Variants in PRDM5 observed in about 807,000 individuals in gnomAD.
The protein encoded by PRDM5 is PR domain zinc finger protein 5.
In PRDM5, 56 loss-of-function variants were observed where a neutral mutation model predicts 81.2. That is an observed-to-expected ratio of 0.69 (90% CI 0.56 to 0.86). PRDM5 has a LOEUF of 0.86. Ranked by LOEUF, PRDM5 falls within the 40% of genes least tolerant of loss-of-function variation. The probability of loss-of-function intolerance (pLI) is 0.00; values close to 1 mark genes in which losing one functional copy is unlikely to be tolerated. For missense variants in PRDM5, 697 were observed against 770.1 expected (o/e 0.91, Z 1.12); for synonymous variants, 267 against 256.4 (o/e 1.04, Z -0.39).
At chr4:120,790,801 G>A (rs1040155057) in intron 10 of PRDM5, among the ~76,000 whole-genome samples, 7 of 152,092 alleles carry the variant, frequency 4.6e-5, no homozygotes, top group Non-Finnish European at 8.8e-5. Flanking sequence ...TGGATGGATA[G>A]ATAGATTTAG....
chr4:120,777,099 G>A, intron 13 of PRDM5, 89 bp downstream of exon 13: 1 of 1,603,934 alleles, frequency 6.2e-7, no homozygotes, highest in South Asian at 1.1e-5. Flanking sequence ...TAATCTGGAA[G>A]ATATTTGTAT....
chr4:120,860,585 T>C (rs1260954673), intron 2 of PRDM5, among the ~76,000 whole-genome samples: 1 of 151,282 alleles, frequency 6.6e-6, no homozygotes, highest in Admixed American at 6.6e-5. Flanking sequence ...ACATGAAGAA[T>C]ACAACAGTGA....
At chr4:120,813,150 T>C (rs1397771) in intron 7 of PRDM5, 8,100 of 152,418 alleles carry the variant, frequency 0.053, 344 homozygotes, top group Middle Eastern at 0.15. Context: ...GTGATTATGT[T>C]TACAGTAGCT....
intron 10 of PRDM5, among the ~76,000 whole-genome samples, chr4:120,794,874 C>A (rs1443942290): frequency 6.6e-5 from 10 of 152,146 alleles, no homozygotes; most frequent in Non-Finnish European, 1.5e-4. Flanking sequence ...GATCCACCCA[C>A]CTCATCCTCC....
At chr4:120,922,305 C>G (rs145796270) in intron 1 of PRDM5, among the ~76,000 whole-genome samples, 273 of 152,192 alleles carry the variant, frequency 1.8e-3, no homozygotes, top group African/African-American at 6.4e-3. Context: ...CCGCCACCTA[C>G]GTGGCGCTGC....
At chr4:120,832,330 A>G (rs138585146) in intron 3 of PRDM5, among the ~76,000 whole-genome samples, 38 of 152,240 alleles carry the variant, frequency 2.5e-4, no homozygotes, top group African/African-American at 7.9e-4. Flanking sequence ...CACTGTCATG[A>G]GAACAGAGTA....
chr4:120,704,728 A>C (rs1182778421), intron 15 of PRDM5, among the ~76,000 whole-genome samples: 1 of 152,152 alleles, frequency 6.6e-6, no homozygotes, highest in Non-Finnish European at 1.5e-5. Flanking sequence ...CGTGCAGTCC[A>C]TGGCTTGGAG....
chr4:120,895,649 A>G (rs1764532688), intron 2 of PRDM5: 1 of 152,154 alleles, frequency 6.6e-6, no homozygotes, highest in African/African-American at 2.4e-5. Flanking sequence ...TTCTTTATCT[A>G]TCATATAAGA....
intron 2 of PRDM5, among the ~76,000 whole-genome samples, chr4:120,905,322 T>C (rs754813633): frequency 9.2e-5 from 14 of 152,170 alleles, no homozygotes; most frequent in Admixed American, 4.6e-4. Context: ...ACACTGATAG[T>C]TTTATGTATA....
intron 2 of PRDM5, among the ~76,000 whole-genome samples, chr4:120,884,722 ATCC>A (rs751536874): frequency 6.7e-4 from 102 of 152,278 alleles, no homozygotes; most frequent in Middle Eastern, 6.8e-3. Flanking sequence ...CACCCTGACC[ATCC>A]TCCTCCTTCA....
At chr4:120,803,273 A>G (rs747031262) in intron 8 of PRDM5, among the ~76,000 whole-genome samples, 1 of 152,228 alleles carries the variant, frequency 6.6e-6, no homozygotes, top group Non-Finnish European at 1.5e-5. Context: ...ACCAAGACGG[A>G]AAACACTCTG....
intron 2 of PRDM5, among the ~76,000 whole-genome samples, chr4:120,861,038 C>T (rs1231743541): frequency 2.0e-5 from 3 of 152,144 alleles, no homozygotes; most frequent in East Asian, 1.9e-4. Context: ...CATGGAATCT[C>T]GCTCTGTGGC....
chr4:120,824,155 T>G (rs926457376), intron 3 of PRDM5, among the ~76,000 whole-genome samples: 1 of 152,186 alleles, frequency 6.6e-6, no homozygotes, highest in Admixed American at 6.5e-5. Flanking sequence ...TATTCCTTTA[T>G]AGCAACACAA....
chr4:120,773,666 C>T (rs954371049), intron 13 of PRDM5, among the ~76,000 whole-genome samples: 4 of 152,136 alleles, frequency 2.6e-5, no homozygotes, highest in African/African-American at 9.7e-5. Flanking sequence ...AAACACTAGC[C>T]CTTTTTGAGT....
chr4:120,893,025 G>A (rs577973457), intron 2 of PRDM5, among the ~76,000 whole-genome samples: 1 of 152,336 alleles, frequency 6.6e-6, no homozygotes, highest in South Asian at 2.1e-4. Flanking sequence ...CCTCTATTGA[G>A]GCTACAGTGC....
At chr4:120,918,211 A>G (rs1724442690) in intron 1 of PRDM5, among the ~76,000 whole-genome samples, 3 of 152,260 alleles carry the variant, frequency 2.0e-5, no homozygotes, top group Admixed American at 2.0e-4. Flanking sequence ...TAATAACACC[A>G]GGAAATACAA....
At chr4:120,873,085 T>A (rs1264924479) in intron 2 of PRDM5, among the ~76,000 whole-genome samples, 1 of 152,140 alleles carries the variant, frequency 6.6e-6, no homozygotes, top group Non-Finnish European at 1.5e-5. Flanking sequence ...CACTGCAACC[T>A]CTGCATCATG....
chr4:120,911,763 C>G (rs1006319285), intron 1 of PRDM5, among the ~76,000 whole-genome samples: 3 of 152,152 alleles, frequency 2.0e-5, no homozygotes, highest in Admixed American at 2.0e-4. Flanking sequence ...CTTCCACAGA[C>G]CAAATTTAGA....
At chr4:120,908,253 C>G (rs1290688678) in intron 1 of PRDM5, among the ~76,000 whole-genome samples, 1 of 152,230 alleles carries the variant, frequency 6.6e-6, no homozygotes, top group East Asian at 1.9e-4. Context: ...ACACTCTTTT[C>G]TCTCTAAAGT....
Sources: allele counts gnomAD v4.1 joint callset (sites outside exome capture counted in the v4.1 genomes callset), GRCh38; gene constraint gnomAD v4.1.1; transcripts MANE v1.5; gene names NCBI Gene and HGNC (gene_info 2026-07-23, HGNC 2026-07-21).